The following NDUFS8 variants were observed in gnomAD, a reference collection of about 807,000 sequenced individuals.
The protein encoded by NDUFS8 is NADH dehydrogenase [ubiquinone] iron-sulfur protein 8, mitochondrial.
In NDUFS8, 13 loss-of-function variants were observed where a neutral mutation model predicts 25.6. The observed-to-expected ratio is 0.51, with a 90% CI of 0.33 to 0.81. The LOEUF (loss-of-function observed/expected upper bound fraction) is 0.81, where lower values mean the gene tolerates loss of function less well. Among genes scored for constraint, NDUFS8 ranks in the 30% least tolerant of loss-of-function variants. NDUFS8 has a pLI of 0.02. For synonymous variants in NDUFS8, 119 were observed against 119.4 expected (o/e 1.00, Z 0.02); for missense variants, 257 against 300.9 (o/e 0.85, Z 1.08).
chr11:68,032,289 C>T lies in NDUFS8; in HGVS notation c.62C>T (p.Pro21Leu). 6.2e-7 allele frequency: 1 copy of T among 1,613,630 alleles called. No individual in the cohort carries two copies. Among genetic ancestry groups the T allele is most frequent in the Non-Finnish European group, 8.5e-7 (1 of 1,179,976 alleles). The part of the protein sequence containing the change: ...RALAQAARAG[P>L]PGGRSLHSSA... ...CGTCACGCCCTTCTTTTTGCAGGAC[C>T]TCCTGGTGGCCGGAGCCTCCACAGC... Residue 21 changes from proline to leucine, a missense_variant, in exon 3 of 7, where the codon CCT (proline) becomes CTT (leucine). Pro to Leu is a moderately conservative substitution (Grantham distance 98). Coordinates refer to ENST00000313468, the MANE Select transcript of NDUFS8 (RefSeq NM_002496.4).
intron 5 of NDUFS8, chr11:68,036,032 A>C (rs1300105604): frequency 2.1e-5 from 8 of 387,848 alleles, no homozygotes; most frequent in Non-Finnish European, 3.1e-5. Context: ...AAAAAAAAAA[A>C]AAAAAAAAAA....
chr11:68,032,519 C>T (rs563320012), intron 3 of NDUFS8, 183 bp downstream of exon 3: 25 of 1,503,312 alleles, frequency 1.7e-5, no homozygotes, highest in African/African-American at 5.5e-5. Flanking sequence ...TCCATCATTG[C>T]CGAGGTTAGC....
chr11:68,030,872 C>A, intron 1 of NDUFS8, 139 bp downstream of exon 1: 1 of 408,608 alleles, frequency 2.4e-6, no homozygotes, highest in East Asian at 8.5e-5. Context: ...CCTCCGTGTC[C>A]TTCAGGTGCA....
rs765097511 is a variant in NDUFS8 at position 68,033,338 on chromosome 11, G to A, written c.372+55G>A. ...CCAGCCCCTGCCACTGGGAGAGGGA[G>A]GCCAGGCAGCCCTAGGCCCAAACCC... On this transcript the variant is annotated intron_variant, in intron 5 of 6. Coordinates refer to ENST00000313468, the MANE Select transcript of NDUFS8 (RefSeq NM_002496.4). 9 of 1,567,430 alleles carry A rather than the reference G, an allele frequency of 5.7e-6. No homozygotes were observed. In the South Asian group the frequency reaches 8.0e-5, roughly 14 times the overall value.
In NDUFS8 at chr11:68,033,013, G is replaced by C. The variant is rs148670119; in HGVS notation, c.199+1G>C. The C allele has an allele frequency of 6.2e-6, 10 of 1,613,756 alleles. No homozygotes were observed. Among genetic ancestry groups the C allele is most frequent in the Non-Finnish European group, 7.6e-6 (9 of 1,179,972 alleles). Reference sequence around the variant, plus strand: ...CTGCTGTGGACTGAGCTCTTCCGAGGTGCGTCCTGGGCATGAGGGGACAGG... The same window carrying C: ...CTGCTGTGGACTGAGCTCTTCCGAGCTGCGTCCTGGGCATGAGGGGACAGG... On this transcript the variant is annotated splice_donor_variant, in intron 4 of 6. Coordinates refer to ENST00000313468, the MANE Select transcript of NDUFS8 (RefSeq NM_002496.4). LOFTEE classifies it high-confidence loss of function.
In NDUFS8 at chr11:68,032,214, G is replaced by A. The variant is rs1854778574; in HGVS notation, c.58+5G>A. On this transcript the variant is annotated splice_donor_5th_base_variant and intron_variant, in intron 2 of 6. Coordinates refer to ENST00000313468, the MANE Select transcript of NDUFS8 (RefSeq NM_002496.4). ...TGGCCCAGGCTGCACGTGCAGGTAG[G>A]ACCAAAGAAGCCTTTGCTGGGGGTA... 6.2e-7 allele frequency: 1 copy of A among 1,613,538 alleles called. No individual in the cohort carries two copies. The highest frequency in any genetic ancestry group is 8.5e-7 in the Non-Finnish European group (1 of 1,180,020).
rs770357184 is a variant in NDUFS8, at chr11:68,033,181, G to T, written c.270G>T (p.Pro90=). 1.2e-6 allele frequency: 2 copies of T among 1,612,258 alleles called. No individual in the cohort carries two copies. The highest frequency in any genetic ancestry group is 1.7e-6 in the Non-Finnish European group (2 of 1,179,614). Residue 90 remains proline (P), a synonymous_variant, in exon 5 of 7, where the codon CCG becomes CCT. Coordinates refer to ENST00000313468, the MANE Select transcript of NDUFS8 (RefSeq NM_002496.4). The part of the protein sequence containing the change: ...ATINYPFEKG[P]LSPRFRGEHA... ...TCAACTACCCGTTCGAGAAGGGCCC[G>T]CTGAGCCCTCGCTTCCGTGGGGAGC...
chr11:68,032,555 T>G, intron 3 of NDUFS8: 1 of 1,462,520 alleles, frequency 6.8e-7, no homozygotes, highest in Non-Finnish European at 9.0e-7. Flanking sequence ...GCTCCCTGGG[T>G]GTGATGGGGA....
chr11:68,031,164 G>A (rs1377569909), intron 1 of NDUFS8: 3 of 252,806 alleles, frequency 1.2e-5, no homozygotes, highest in Non-Finnish European at 1.6e-5. Flanking sequence ...AGAAGACGGA[G>A]GTCAGGTCAC....
At position 68,036,305 on chromosome 11, in the gene NDUFS8, G is replaced by A. The variant is rs770184969; in HGVS notation, c.425G>A (p.Arg142His). ...GCTGATGGCAGCCGCCGGACCACCC[G>A]CTATGACATCGACATGACCAAGTGC... ...PRADGSRRTT[R>H]YDIDMTKCIY... is the part of the protein sequence containing the mutation. Residue 142 changes from arginine (R) to histidine (H), a missense_variant, in exon 6 of 7, where the codon CGC becomes CAC. Transcript: ENST00000313468. The A allele has an allele frequency of 8.7e-6, 14 of 1,613,342 alleles. No homozygotes were observed. The highest frequency in any genetic ancestry group is 3.3e-5 in the Admixed American group (2 of 59,984).
Position 68,036,638 on chromosome 11 carries a change from G to C in NDUFS8, c.*45G>C, listed in dbSNP as rs189676122. ...CCCTGCTGCCCAATAAAACCACTCC[G>C]ACCCCACGGCCTCTTGTCTTGACTC... On this transcript the variant is annotated 3_prime_UTR_variant, in exon 7 of 7. Coordinates refer to ENST00000313468, the MANE Select transcript of NDUFS8 (RefSeq NM_002496.4). 435 of 1,611,246 alleles carry C rather than the reference G, an allele frequency of 2.7e-4. 3 individuals are homozygous for C. The African/African-American group carries it at 5.1e-3, about 19-fold the overall frequency.
chr11:68,032,292 C>T lies in NDUFS8; in HGVS notation c.65C>T (p.Pro22Leu), dbSNP rs865986879. 1.9e-6 allele frequency: 3 copies of T among 1,613,676 alleles called. No individual in the cohort carries two copies. In the African/African-American group the frequency reaches 4.0e-5, roughly 22 times the overall value. Residue 22 changes from proline to leucine, a missense_variant, in exon 3 of 7, where the codon CCT becomes CTT. Physicochemically the swap from Pro to Leu is moderately conservative, Grantham distance 98. Transcript: ENST00000313468. ...CACGCCCTTCTTTTTGCAGGACCTC[C>T]TGGTGGCCGGAGCCTCCACAGCAGT... ...ALAQAARAGP[P>L]GGRSLHSSAV...
At chr11:68,035,439 A>AC (rs1854866203) in intron 5 of NDUFS8, among the ~76,000 whole-genome samples, 1 of 152,160 alleles carries the variant, frequency 6.6e-6, no homozygotes. Context: ...TCAAAAAACA[A>AC]AAACAACAAC....
intron 5 of NDUFS8, chr11:68,035,696 T>C (rs1008231472): frequency 1.8e-5 from 8 of 450,504 alleles, no homozygotes; most frequent in Non-Finnish European, 3.6e-5. Flanking sequence ...TGAGAGGGGG[T>C]TCTTGGCAGA....
rs369364877 is a variant in NDUFS8 at position 68,036,533 on chromosome 11, C to A, written c.573C>A (p.Asn191Lys). 1.9e-5 allele frequency: 31 copies of A among 1,613,996 alleles called. No homozygotes were observed. Among genetic ancestry groups the A allele is most frequent in the Non-Finnish European group, 2.5e-5 (29 of 1,180,016 alleles). The change falls in exon 7 of 7, where the codon AAC becomes AAA. Residue 191 changes from asparagine (N) to lysine (K), a missense_variant. Coordinates refer to ENST00000313468, the MANE Select transcript of NDUFS8 (RefSeq NM_002496.4). ...ACAACAAGGAGAAGTTGCTCAACAA[C>A]GGGGACAAGTGGGAGGCCGAGATCG... Reference protein sequence around the residue: ...LLYNKEKLLNNGDKWEAEIAA... With the variant: ...LLYNKEKLLNKGDKWEAEIAA...
Position 68,036,504 on chromosome 11 carries a change from C to G in NDUFS8, c.544C>G (p.Leu182Val). Residue 182 changes from leucine to valine, a missense_variant, in exon 7 of 7, where the codon CTG becomes GTG. Leu to Val is a conservative substitution (Grantham distance 32). Transcript: ENST00000313468. ...EFSTETHEEL[L>V]YNKEKLLNNG... ...CTCCACGGAGACCCATGAGGAGCTG[C>G]TGTACAACAAGGAGAAGTTGCTCAA... The G allele has an allele frequency of 6.2e-7, 1 of 1,614,134 alleles. No individual in the cohort carries two copies. Among genetic ancestry groups the G allele is most frequent in the Non-Finnish European group, 8.5e-7 (1 of 1,180,012 alleles).
chr11:68,035,715 G>A (rs770489149), intron 5 of NDUFS8: 9 of 454,658 alleles, frequency 2.0e-5, no homozygotes, highest in Non-Finnish European at 3.5e-5. Flanking sequence ...GATGACGCCA[G>A]CAGCTGACAA....
chr11:68,036,077 G>T (rs1854883223), intron 5 of NDUFS8, 176 bp from the exon 6 acceptor site: 3 of 923,220 alleles, frequency 3.2e-6, no homozygotes, highest in Non-Finnish European at 4.9e-6. Context: ...GGCACGTGCT[G>T]AGGAGACAGG....
At chr11:68,035,620 C>A (rs1396250542) in intron 5 of NDUFS8, 4 of 407,484 alleles carry the variant, frequency 9.8e-6, no homozygotes, top group Non-Finnish European at 1.5e-5. Flanking sequence ...ACTCAGCACT[C>A]ACCGCAGGGT....
Sources: gnomAD v4.1 joint callset for allele counts (sites outside exome capture counted in the v4.1 genomes callset) on GRCh38, gnomAD v4.1.1 for gene constraint, MANE v1.5 for transcripts, NCBI Gene and HGNC (gene_info 2026-07-23, HGNC 2026-07-21) for gene names.